The following RIMS2 variants were observed in gnomAD, a reference collection of about 807,000 sequenced individuals.
RIMS2 encodes the protein regulating synaptic membrane exocytosis protein 2.
RIMS2 carries 59 observed loss-of-function variants against 174.4 expected under a neutral mutation model. The observed-to-expected ratio is 0.34, with a 90% CI of 0.27 to 0.42. RIMS2 has a LOEUF of 0.42. Ranked by LOEUF, RIMS2 falls within the 10% of genes least tolerant of loss-of-function variation. The pLI is 1.00. For synonymous variants in RIMS2, 606 were observed against 572.5 expected, an observed-to-expected ratio of 1.06 and a Z score of -0.84; for missense variants, 1,620 against 1,666.3, an observed-to-expected ratio of 0.97 and a Z score of 0.48.
chr8:103,864,860 A>G (rs1343666035), intron 3 of RIMS2, among the ~76,000 whole-genome samples: 1 of 152,178 alleles, frequency 6.6e-6, no homozygotes, highest in Non-Finnish European at 1.5e-5. Context: ...ATTCTGTCAC[A>G]CCATTTATTA....
chr8:104,050,469 A>T (rs566381031), intron 19 of RIMS2, among the ~76,000 whole-genome samples: 2 of 152,310 alleles, frequency 1.3e-5, no homozygotes, highest in East Asian at 1.9e-4. Flanking sequence ...TAAGGAGGTG[A>T]TGTTTGAACT....
chr8:104,059,781 G>T (rs545342079), intron 19 of RIMS2, among the ~76,000 whole-genome samples: 1 of 151,650 alleles, frequency 6.6e-6, no homozygotes, highest in Non-Finnish European at 1.5e-5. Flanking sequence ...TAGCATGAAG[G>T]GTTGTTGAAT....
At chr8:103,535,409 A>G (rs1032366022) in intron 1 of RIMS2, among the ~76,000 whole-genome samples, 1 of 152,252 alleles carries the variant, frequency 6.6e-6, no homozygotes, top group African/African-American at 2.4e-5. Flanking sequence ...TTGCTCAGAA[A>G]TGTGATTATT....
chr8:103,918,096 A>G (rs2154528845), intron 8 of RIMS2, among the ~76,000 whole-genome samples: 1 of 152,362 alleles, frequency 6.6e-6, no homozygotes, highest in East Asian at 1.9e-4. Flanking sequence ...ACCAAAGAGC[A>G]GAATAGAATA....
chr8:103,783,263 T>C (rs995429250), intron 3 of RIMS2, among the ~76,000 whole-genome samples: 1 of 145,708 alleles, frequency 6.9e-6, no homozygotes, highest in Non-Finnish European at 1.5e-5. Flanking sequence ...TTGTTTTTTC[T>C]TTTCTTTTTT....
intron 1 of RIMS2, among the ~76,000 whole-genome samples, chr8:103,628,984 C>T (rs2095851014): frequency 6.6e-6 from 1 of 152,184 alleles, no homozygotes; most frequent in Non-Finnish European, 1.5e-5. Flanking sequence ...AGCAACCTCT[C>T]CATACCTGTG....
At chr8:103,785,688 A>G (rs976040336) in intron 3 of RIMS2, among the ~76,000 whole-genome samples, 1 of 151,950 alleles carries the variant, frequency 6.6e-6, no homozygotes, top group African/African-American at 2.4e-5. Flanking sequence ...TTTATTGAGG[A>G]TTTTTGCATC....
intron 19 of RIMS2, among the ~76,000 whole-genome samples, chr8:104,184,205 A>G (rs6651195): frequency 0.12 from 18,077 of 151,674 alleles, 1,581 homozygotes; most frequent in African/African-American, 0.24. Flanking sequence ...ACAAAGTAAC[A>G]ATGTTATTAC....
chr8:103,918,590 C>A, intron 9 of RIMS2, 103 bp downstream of exon 12: 10 of 833,148 alleles, frequency 1.2e-5, no homozygotes, highest in Middle Eastern at 2.5e-4. Context: ...ATATGATAAC[C>A]TTGTTATCAA....
chr8:104,180,367 T>A (rs2098932989), intron 19 of RIMS2, among the ~76,000 whole-genome samples: 1 of 151,606 alleles, frequency 6.6e-6, no homozygotes, highest in African/African-American at 2.4e-5. Flanking sequence ...TGAGGTTTTT[T>A]TTTTTTTTAA....
chr8:103,857,616 C>T (rs1177665310), intron 3 of RIMS2, among the ~76,000 whole-genome samples: 1 of 151,638 alleles, frequency 6.6e-6, no homozygotes, highest in Non-Finnish European at 1.5e-5. Context: ...CATTAATTCC[C>T]CATGAGATAC....
At chr8:103,604,546 G>C (rs1221592509) in intron 1 of RIMS2, among the ~76,000 whole-genome samples, 2 of 151,748 alleles carry the variant, frequency 1.3e-5, no homozygotes, top group African/African-American at 4.9e-5. Flanking sequence ...AAAGGCATTG[G>C]TAGCTTGATG....
At chr8:104,226,879 T>G (rs1045810155) in intron 19 of RIMS2, among the ~76,000 whole-genome samples, 1 of 152,234 alleles carries the variant, frequency 6.6e-6, no homozygotes, top group African/African-American at 2.4e-5. Flanking sequence ...TATAATCTAA[T>G]TACTCTATAT....
intron 19 of RIMS2, among the ~76,000 whole-genome samples, chr8:104,048,013 A>C (rs1002671336): frequency 3.3e-5 from 5 of 152,182 alleles, no homozygotes; most frequent in African/African-American, 4.8e-5. Context: ...TGTTTTAATG[A>C]AAGCACAAAA....
At chr8:104,245,321 A>G (rs2099325194) in intron 20 of RIMS2, among the ~76,000 whole-genome samples, 1 of 152,252 alleles carries the variant, frequency 6.6e-6, no homozygotes, top group South Asian at 2.1e-4. Flanking sequence ...ATGCAATGCA[A>G]ATAAAATATT....
chr8:103,918,600 A>T, intron 9 of RIMS2, 113 bp downstream of exon 12: 4 of 785,552 alleles, frequency 5.1e-6, no homozygotes, highest in South Asian at 1.5e-5. Flanking sequence ...CTTGTTATCA[A>T]GTCTGTAAGC....
rs145370809 is a variant in RIMS2 at position 103,662,246 on chromosome 8, A to G, written c.177-34840A>G. On this transcript the variant is annotated intron_variant, in intron 1 of 23. Coordinates refer to ENST00000504942, the Ensembl canonical transcript of RIMS2. ...GACAGAAGATGTTTTTGTGTAAGCTATGTGCCTCTTATGGTGGTGATCTCT... is the reference window on the plus strand; with the variant it reads ...GACAGAAGATGTTTTTGTGTAAGCTGTGTGCCTCTTATGGTGGTGATCTCT... Among the ~76,000 whole-genome samples the G allele has an allele frequency of 3.1e-3, 471 of 152,300 alleles. 4 individuals carry two copies. Among genetic ancestry groups the G allele is most frequent in the African/African-American group, 0.011 (443 of 41,562 alleles).
At chr8:103,513,330 G>A (rs1051437116) in intron 1 of RIMS2, among the ~76,000 whole-genome samples, 1 of 152,124 alleles carries the variant, frequency 6.6e-6, no homozygotes, top group Non-Finnish European at 1.5e-5. Context: ...GTGCTATCTT[G>A]AAGAAGTTAG....
intron 1 of RIMS2, among the ~76,000 whole-genome samples, chr8:103,502,147 G>C (rs1820512622): frequency 6.6e-6 from 1 of 152,096 alleles, no homozygotes; most frequent in Admixed American, 6.5e-5. Context: ...GTTTTGTCAA[G>C]TATACGTTTC....
Sources: gnomAD v4.1 joint callset for allele counts (sites outside exome capture counted in the v4.1 genomes callset) on GRCh38, gnomAD v4.1.1 for gene constraint, MANE v1.5 for transcripts, NCBI Gene and HGNC (gene_info 2026-07-23, HGNC 2026-07-21) for gene names.